CDK5RAP2: variants seen among roughly 807,000 people sequenced by gnomAD.
CDK5RAP2 encodes CDK5 regulatory subunit-associated protein 2.
Under a neutral mutation model 232.9 loss-of-function variants are expected in CDK5RAP2, and 147 were observed. The observed-to-expected ratio is 0.63, with a 90% CI of 0.55 to 0.72. The LOEUF is 0.72. CDK5RAP2 is among the 30% of genes least tolerant of loss of function. The probability of loss-of-function intolerance (pLI) is 0.00; values close to 1 mark genes in which losing one functional copy is unlikely to be tolerated. For synonymous variants in CDK5RAP2, 833 were observed against 833.7 expected (o/e 1.00, Z 0.01); for missense variants, 2,195 against 2,231.5 (o/e 0.98, Z 0.33).
chr9:120,400,920 C>A, intron 34 of CDK5RAP2, 35 bp from the exon 35 acceptor site: 1 of 1,613,402 alleles, frequency 6.2e-7, no homozygotes, highest in South Asian at 1.1e-5. Context: ...TACGTGCAGT[C>A]TTGAAAAAGA....
At chr9:120,476,726 C>T (rs1003072761) in intron 15 of CDK5RAP2, among the ~76,000 whole-genome samples, 4 of 151,496 alleles carry the variant, frequency 2.6e-5, no homozygotes, top group African/African-American at 9.7e-5. Flanking sequence ...GTCCCTGAGG[C>T]CAACCCTGTG....
intron 12 of CDK5RAP2, among the ~76,000 whole-genome samples, chr9:120,516,066 C>T (rs1267403668): frequency 6.6e-6 from 1 of 152,040 alleles, no homozygotes; most frequent in East Asian, 1.9e-4. Flanking sequence ...CACATGCACA[C>T]GTATGTTTAT....
At chr9:120,518,075 G>A (rs1588542870) in intron 12 of CDK5RAP2, among the ~76,000 whole-genome samples, 1 of 151,678 alleles carries the variant, frequency 6.6e-6, no homozygotes, top group South Asian at 2.1e-4. Flanking sequence ...TGTTTTTGAA[G>A]AACATTCATG....
At chr9:120,416,156 C>G (rs776806133) in intron 27 of CDK5RAP2, among the ~76,000 whole-genome samples, 1 of 152,114 alleles carries the variant, frequency 6.6e-6, no homozygotes, top group African/African-American at 2.4e-5. Context: ...ACCGGCCGGG[C>G]GTCCTCTAAT....
chr9:120,432,725 G>T (rs2035357467), intron 25 of CDK5RAP2, among the ~76,000 whole-genome samples: 1 of 152,304 alleles, frequency 6.6e-6, no homozygotes, highest in Middle Eastern at 3.4e-3. Context: ...GGCTCTCCTT[G>T]GGTGTGTCAA....
chr9:120,510,639 G>A (rs889062463), intron 12 of CDK5RAP2, among the ~76,000 whole-genome samples: 3 of 152,320 alleles, frequency 2.0e-5, no homozygotes, highest in Non-Finnish European at 4.4e-5. Context: ...AAACTCAGAT[G>A]TATGAAGGCA....
At chr9:120,497,001 G>A (rs1347602954) in intron 12 of CDK5RAP2, among the ~76,000 whole-genome samples, 7 of 137,068 alleles carry the variant, frequency 5.1e-5, no homozygotes, top group East Asian at 2.4e-4. Context: ...TTGAGAAATC[G>A]GATGGTTGCC....
At chr9:120,565,139 T>C (rs539512716) in intron 3 of CDK5RAP2, among the ~76,000 whole-genome samples, 2 of 151,540 alleles carry the variant, frequency 1.3e-5, no homozygotes, top group Middle Eastern at 3.4e-3. Context: ...TAGAAAGGAA[T>C]TGCTTTGATA....
chr9:120,440,104 T>C (rs73660246), intron 23 of CDK5RAP2, 132 bp from the exon 24 acceptor site: 20,952 of 746,284 alleles, frequency 0.028, 377 homozygotes, highest in East Asian at 0.072. Context: ...GCCCTAGTAT[T>C]TCCTAACACA....
At chr9:120,456,349 C>T (rs1364300063) in intron 20 of CDK5RAP2, among the ~76,000 whole-genome samples, 3 of 152,198 alleles carry the variant, frequency 2.0e-5, no homozygotes, top group Admixed American at 1.3e-4. Context: ...CTGTACTCTA[C>T]AACTCCTTTA....
chr9:120,434,091 T>C (rs114690919), intron 25 of CDK5RAP2, among the ~76,000 whole-genome samples: 1,697 of 152,154 alleles, frequency 0.011, 24 homozygotes, highest in African/African-American at 0.038. Context: ...TGCGAGATGG[T>C]TGTGGGTAGA....
At chr9:120,406,978 A>G in intron 32 of CDK5RAP2, 34 bp downstream of exon 32, 1 of 1,476,690 alleles carries the variant, frequency 6.8e-7, no homozygotes, top group Non-Finnish European at 9.5e-7. Flanking sequence ...TCAGAGCTGC[A>G]TTCTCAGCAA....
Position 120,440,847 on chromosome 9 carries a change from C to A in CDK5RAP2, c.3149-875G>T, listed in dbSNP as rs1371029202. On this transcript the variant is annotated intron_variant, in intron 23 of 37. Coordinates refer to ENST00000349780, the MANE Select transcript of CDK5RAP2 (RefSeq NM_018249.6). ...AAAGAGTGGTAATTCTGAATATCCA[C>A]AACACGTGACAGTCTTCTCATTTCC... Among the ~76,000 whole-genome samples, 4 of 152,208 alleles carry A rather than the reference C, an allele frequency of 2.6e-5. No homozygotes were observed. In the East Asian group the frequency reaches 7.7e-4, roughly 29 times the overall value.
intron 11 of CDK5RAP2, among the ~76,000 whole-genome samples, chr9:120,521,044 T>C (rs996676594): frequency 6.6e-6 from 1 of 152,154 alleles, no homozygotes; most frequent in Admixed American, 6.5e-5. Context: ...GGGTACAACA[T>C]AAATAAATCT....
At chr9:120,509,414 A>G (rs1047889815) in intron 12 of CDK5RAP2, among the ~76,000 whole-genome samples, 3 of 152,224 alleles carry the variant, frequency 2.0e-5, no homozygotes, top group African/African-American at 7.2e-5. Context: ...GCCAGGAACC[A>G]CGGTAGGCAT....
At chr9:120,449,732 G>T (rs1014386744) in intron 21 of CDK5RAP2, among the ~76,000 whole-genome samples, 2 of 152,308 alleles carry the variant, frequency 1.3e-5, no homozygotes, top group South Asian at 2.1e-4. Context: ...CTTCTCCAAA[G>T]GAGATATGTG....
At chr9:120,494,625 CAGG>C (rs2039068319) in intron 12 of CDK5RAP2, among the ~76,000 whole-genome samples, 1 of 152,014 alleles carries the variant, frequency 6.6e-6, no homozygotes. Flanking sequence ...TAAACAAATG[CAGG>C]AGGAGGAAGA....
At chr9:120,404,408 G>A (rs906010852) in intron 32 of CDK5RAP2, among the ~76,000 whole-genome samples, 7 of 152,214 alleles carry the variant, frequency 4.6e-5, no homozygotes, top group Admixed American at 6.5e-5. Flanking sequence ...TGGGGCTCAG[G>A]TGAGGGGCAC....
chr9:120,558,371 CAAA>C (rs60669308), intron 3 of CDK5RAP2, among the ~76,000 whole-genome samples: 11 of 40,078 alleles, frequency 2.7e-4, no homozygotes, highest in South Asian at 1.6e-3. Context: ...GACTCCGTCT[CAAA>C]AAAAAAAAAA....
Sources: allele counts gnomAD v4.1 joint callset (sites outside exome capture counted in the v4.1 genomes callset), GRCh38; gene constraint gnomAD v4.1.1; transcripts MANE v1.5; gene names NCBI Gene and HGNC (gene_info 2026-07-23, HGNC 2026-07-21).